Variants in PRICKLE2 observed in about 807,000 individuals in gnomAD.
PRICKLE2 encodes prickle-like protein 2.
PRICKLE2 carries 21 observed loss-of-function variants against 81.4 expected under a neutral mutation model. The observed-to-expected ratio is 0.26, with a 90% CI of 0.18 to 0.37. PRICKLE2 has a LOEUF of 0.37. Ranked by LOEUF, PRICKLE2 falls within the 10% of genes least tolerant of loss-of-function variation. PRICKLE2 has a pLI of 1.00. For synonymous variants in PRICKLE2, 456 were observed against 421.5 expected, an observed-to-expected ratio of 1.08 and a Z score of -1.00; for missense variants, 940 against 1,109.0, an observed-to-expected ratio of 0.85 and a Z score of 2.16.
At chr3:64,160,699 C>T (rs936055398) in intron 3 of PRICKLE2, among the ~76,000 whole-genome samples, 1 of 152,168 alleles carries the variant, frequency 6.6e-6, no homozygotes, top group African/African-American at 2.4e-5. Flanking sequence ...TCAGTTGAGT[C>T]GACTTGCAAG....
chr3:64,267,072 A>G (rs1338349968), intron 2 of PRICKLE2, among the ~76,000 whole-genome samples: 1 of 152,156 alleles, frequency 6.6e-6, no homozygotes, highest in African/African-American at 2.4e-5. Context: ...CCTACCCACA[A>G]TCTTTCCTGA....
At chr3:64,179,039 T>TTTCTTTC in intron 2 of PRICKLE2, among the ~76,000 whole-genome samples, 1 of 140,974 alleles carries the variant, frequency 7.1e-6, no homozygotes, top group African/African-American at 2.6e-5. Context: ...TTCTTTCTTT[T>TTTCTTTC]CTTTCCTTCT....
intron 7 of PRICKLE2, among the ~76,000 whole-genome samples, chr3:64,135,432 C>T (rs543836178): frequency 6.6e-6 from 1 of 152,184 alleles, no homozygotes; most frequent in South Asian, 2.1e-4. Context: ...AGAAATACAC[C>T]TGCCTTAGCT....
Position 64,236,422 on chromosome 3 carries a change from T to C in PRICKLE2, c.129-37455A>G, listed in dbSNP as rs577206166. 1.1e-4 allele frequency among the ~76,000 whole-genome samples: 17 copies of C among 152,290 alleles called. No individual in the cohort carries two copies. The East Asian group carries it at 3.3e-3, about 29-fold the overall frequency. ...ACAGCTGATGTTCTTTATCCATGGT[T>C]ATGACAATTAGTAACCCAAGCTAAT... On this transcript the variant is annotated intron_variant, in intron 2 of 8. Coordinates refer to the PRICKLE2 transcript ENST00000295902.
intron 4 of PRICKLE2, among the ~76,000 whole-genome samples, chr3:64,158,326 C>A (rs762515124): frequency 2.0e-5 from 3 of 152,192 alleles, no homozygotes; most frequent in Non-Finnish European, 4.4e-5. Context: ...CACAAACAGT[C>A]TCTGGGAACT....
intron 1 of PRICKLE2, among the ~76,000 whole-genome samples, chr3:64,218,706 GATTT>G (rs901130737): frequency 1.6e-4 from 24 of 152,268 alleles, no homozygotes; most frequent in Admixed American, 1.2e-3. Context: ...GCAGCTGAGG[GATTT>G]ATTTGAGGTT....
At chr3:64,218,592 C>T (rs1315697438) in intron 1 of PRICKLE2, among the ~76,000 whole-genome samples, 3 of 152,182 alleles carry the variant, frequency 2.0e-5, no homozygotes, top group Non-Finnish European at 4.4e-5. Flanking sequence ...AAATACAGCA[C>T]ATAAAACAGT....
intron 1 of PRICKLE2, among the ~76,000 whole-genome samples, chr3:64,222,305 A>G (rs2078968167): frequency 6.6e-6 from 1 of 152,204 alleles, no homozygotes; most frequent in Non-Finnish European, 1.5e-5. Context: ...ACACAACTCT[A>G]CTAAAGATCA....
At chr3:64,236,151 A>G (rs1420628937) in intron 2 of PRICKLE2, among the ~76,000 whole-genome samples, 1 of 152,158 alleles carries the variant, frequency 6.6e-6, no homozygotes, top group East Asian at 1.9e-4. Context: ...TAAAGAGTCT[A>G]CCATGCTCCT....
At chr3:64,205,977 G>A (rs908981691) in intron 1 of PRICKLE2, among the ~76,000 whole-genome samples, 3 of 152,160 alleles carry the variant, frequency 2.0e-5, no homozygotes, top group African/African-American at 7.2e-5. Flanking sequence ...TTTCTAGCAT[G>A]TGCCAAAATA....
chr3:64,180,849 G>A (rs969874254), intron 2 of PRICKLE2, among the ~76,000 whole-genome samples: 9 of 152,106 alleles, frequency 5.9e-5, no homozygotes, highest in South Asian at 2.1e-4. Context: ...TTTTTATTAC[G>A]TGTTGGGAAC....
At chr3:64,164,410 C>A (rs545322175) in intron 2 of PRICKLE2, among the ~76,000 whole-genome samples, 4 of 152,230 alleles carry the variant, frequency 2.6e-5, no homozygotes, top group Non-Finnish European at 5.9e-5. Context: ...TGGTCTAATT[C>A]CTTTGCATTT....
rs536812600 is a variant in PRICKLE2, at chr3:64,182,900, C to T, written c.144+15884G>A. On this transcript the variant is annotated intron_variant, in intron 2 of 7. Transcript: ENST00000638394. ...GAAGGCTTCATTAAAAAAAATAGAA[C>T]ACAAGAAAACAGAAAAAAGCAGAGG... Among the ~76,000 whole-genome samples the T allele has an allele frequency of 4.8e-4, 73 of 151,100 alleles. 1 individual carries two copies. The South Asian group carries it at 0.014, about 29-fold the overall frequency.
chr3:64,242,498 G>A lies in PRICKLE2; in HGVS notation c.129-43531C>T, dbSNP rs374089239. 1.1e-4 allele frequency among the ~76,000 whole-genome samples: 17 copies of A among 152,272 alleles called. No homozygotes were observed. The South Asian group carries it at 1.9e-3, about 17-fold the overall frequency. ...TCAGCTTATCTGGGTGGTATGCTCC[G>A]CAAATAATCACAAAGATTGTTTGAC... On this transcript the variant is annotated intron_variant, in intron 2 of 8. Coordinates refer to the PRICKLE2 transcript ENST00000295902.
At chr3:64,204,094 G>A (rs1170447503) in intron 1 of PRICKLE2, among the ~76,000 whole-genome samples, 1 of 152,100 alleles carries the variant, frequency 6.6e-6, no homozygotes. Context: ...AGGTACTTGG[G>A]TACCCAACCA....
intron 2 of PRICKLE2, among the ~76,000 whole-genome samples, chr3:64,250,866 TA>T (rs1374891213): frequency 6.6e-6 from 1 of 152,140 alleles, no homozygotes; most frequent in Non-Finnish European, 1.5e-5. Context: ...CTGCCAGAGA[TA>T]CTCCCCCAAT....
chr3:64,138,555 G>A (rs185295211), intron 7 of PRICKLE2, among the ~76,000 whole-genome samples: 4 of 152,300 alleles, frequency 2.6e-5, no homozygotes, highest in East Asian at 1.9e-4. Context: ...GAAAGAAACC[G>A]AGTCCTGATG....
At chr3:64,253,669 G>A (rs2079482464) in intron 2 of PRICKLE2, among the ~76,000 whole-genome samples, 1 of 152,070 alleles carries the variant, frequency 6.6e-6, no homozygotes, top group Admixed American at 6.6e-5. Flanking sequence ...ATCTGCTGAC[G>A]GAATCTGCAA....
chr3:64,098,964 A>C lies in PRICKLE2; in HGVS notation c.*87T>G. 37 of 1,461,854 alleles carry C rather than the reference A, an allele frequency of 2.5e-5. No homozygotes were observed. Among genetic ancestry groups the C allele is most frequent in the Non-Finnish European group, 2.8e-5 (29 of 1,049,586 alleles). 90.6% of individuals were successfully genotyped at this position (1,461,854 alleles called of 1,614,324 possible). On this transcript the variant is annotated 3_prime_UTR_variant, in exon 8 of 8. Coordinates refer to ENST00000638394, the MANE Select transcript of PRICKLE2 (RefSeq NM_198859.4). ...CTTTTCTCCCCCATAAGCCACCCCC[A>C]AAAGCGCTTTAACATTTAAAACAGT...
Sources: gnomAD v4.1 joint callset for allele counts (sites outside exome capture counted in the v4.1 genomes callset) on GRCh38, gnomAD v4.1.1 for gene constraint, MANE v1.5 for transcripts, NCBI Gene and HGNC (gene_info 2026-07-23, HGNC 2026-07-21) for gene names.